Variants in CLASP1 observed in about 807,000 individuals in gnomAD.
CLASP1 encodes cytoplasmic linker associated protein 1.
A neutral mutation model predicts 192.3 loss-of-function variants in CLASP1; 38 were observed. The ratio of observed to expected loss-of-function variants is 0.20; its 90% CI spans 0.15 to 0.26. The LOEUF (loss-of-function observed/expected upper bound fraction) is 0.26, where lower values mean the gene tolerates loss of function less well. CLASP1 is among the 10% of genes least tolerant of loss of function. The probability of loss-of-function intolerance (pLI) is 1.00; values close to 1 mark genes in which losing one functional copy is unlikely to be tolerated. For synonymous variants in CLASP1, 691 were observed against 712.8 expected (o/e 0.97, Z 0.49); for missense variants, 1,433 against 1,932.5 (o/e 0.74, Z 4.85).
chr2:121,509,948 GAAAC>G (rs780227879), intron 7 of CLASP1, among the ~76,000 whole-genome samples: 13 of 152,012 alleles, frequency 8.6e-5, no homozygotes, highest in South Asian at 8.3e-4. Context: ...AAAGAAATAA[GAAAC>G]AAACAAATGT....
intron 19 of CLASP1, 117 bp from the exon 20 acceptor site, chr2:121,430,294 C>A: frequency 2.8e-6 from 2 of 704,120 alleles, no homozygotes; most frequent in Non-Finnish European, 4.8e-6. Flanking sequence ...TGGGGAGCAA[C>A]AGCTTCTGTG....
intron 2 of CLASP1, among the ~76,000 whole-genome samples, chr2:121,557,287 T>C (rs1010767679): frequency 4.6e-5 from 7 of 152,176 alleles, no homozygotes; most frequent in African/African-American, 1.4e-4. Context: ...TTTGATTACA[T>C]AGAATATCTA....
intron 2 of CLASP1, chr2:121,603,224 T>TTATATA (rs199543776): frequency 1.3e-5 from 2 of 150,154 alleles, no homozygotes; most frequent in African/African-American, 4.9e-5. Context: ...AAAAAAAAAA[T>TTATATA]TATATATATA....
intron 19 of CLASP1, among the ~76,000 whole-genome samples, chr2:121,434,583 C>T (rs182032890): frequency 2.4e-4 from 37 of 152,190 alleles, no homozygotes; most frequent in Admixed American, 2.1e-3. Context: ...ACCTTTAAAA[C>T]TCTACTGATC....
At chr2:121,397,678 A>C (rs953639763) in intron 29 of CLASP1, among the ~76,000 whole-genome samples, 1 of 152,172 alleles carries the variant, frequency 6.6e-6, no homozygotes, top group Admixed American at 6.5e-5. Context: ...GTAAGGCAGC[A>C]TTTTCAGTAA....
chr2:121,396,347 T>G (rs542380271), intron 30 of CLASP1, among the ~76,000 whole-genome samples: 9 of 152,244 alleles, frequency 5.9e-5, no homozygotes, highest in African/African-American at 2.2e-4. Flanking sequence ...TGAAAACAAG[T>G]GTTGAAGCTC....
intron 7 of CLASP1, among the ~76,000 whole-genome samples, chr2:121,506,323 A>G (rs2093949516): frequency 6.6e-6 from 1 of 152,156 alleles, no homozygotes; most frequent in Non-Finnish European, 1.5e-5. Flanking sequence ...ACATCCCTGC[A>G]AGCCCAGTTG....
At chr2:121,340,920 T>C in exon 40 of CLASP1, 1 of 1,609,770 alleles carries the variant, frequency 6.2e-7, no homozygotes, top group Non-Finnish European at 8.5e-7. Context: ...GTCTGGGCCC[T>C]CTTTATGTAT....
chr2:121,581,690 G>A (rs2105578738), intron 2 of CLASP1, among the ~76,000 whole-genome samples: 1 of 152,302 alleles, frequency 6.6e-6, no homozygotes. Context: ...TTTGAGACCA[G>A]CCTGGGCAAC....
chr2:121,422,132 C>T (rs185905072), intron 22 of CLASP1, among the ~76,000 whole-genome samples: 30 of 152,288 alleles, frequency 2.0e-4, no homozygotes, highest in Admixed American at 9.2e-4. Flanking sequence ...TCTTGATAGA[C>T]ACTCTACCCT....
chr2:121,580,399 G>A (rs2060996369), intron 2 of CLASP1, among the ~76,000 whole-genome samples: 1 of 152,052 alleles, frequency 6.6e-6, no homozygotes, highest in South Asian at 2.1e-4. Context: ...TATGCCTATT[G>A]CGAGGTATTT....
chr2:121,569,101 T>C (rs1381696841), intron 2 of CLASP1, among the ~76,000 whole-genome samples: 2 of 152,164 alleles, frequency 1.3e-5, no homozygotes, highest in African/African-American at 4.8e-5. Flanking sequence ...TTTTAGGCAA[T>C]AGAGACGCTA....
intron 2 of CLASP1, among the ~76,000 whole-genome samples, chr2:121,541,529 C>T (rs943551859): frequency 2.0e-5 from 3 of 152,168 alleles, no homozygotes; most frequent in African/African-American, 7.2e-5. Context: ...TAATGATATA[C>T]ACAAAACCCC....
chr2:121,539,197 G>A (rs1050189765), intron 2 of CLASP1, among the ~76,000 whole-genome samples: 1 of 152,128 alleles, frequency 6.6e-6, no homozygotes, highest in African/African-American at 2.4e-5. Flanking sequence ...GTGATAATAC[G>A]AATGGCAAGG....
chr2:121,522,700 T>C (rs905849656), intron 6 of CLASP1, among the ~76,000 whole-genome samples: 2 of 152,204 alleles, frequency 1.3e-5, no homozygotes, highest in Non-Finnish European at 1.5e-5. Flanking sequence ...TGATTTTTGG[T>C]AGTGAAACTA....
intron 2 of CLASP1, among the ~76,000 whole-genome samples, chr2:121,542,900 T>TA (rs1229421347): frequency 2.0e-5 from 3 of 152,190 alleles, no homozygotes; most frequent in African/African-American, 7.2e-5. Context: ...AGGTTTAAAA[T>TA]ACAATGAGAA....
At chr2:121,645,499 G>A (rs1307767843) in intron 1 of CLASP1, among the ~76,000 whole-genome samples, 1 of 152,164 alleles carries the variant, frequency 6.6e-6, no homozygotes, top group Non-Finnish European at 1.5e-5. Context: ...TCTACATTAG[G>A]ATACATTTGT....
At chr2:121,529,173 A>G (rs1205551265) in intron 3 of CLASP1, among the ~76,000 whole-genome samples, 1 of 152,182 alleles carries the variant, frequency 6.6e-6, no homozygotes, top group East Asian at 1.9e-4. Flanking sequence ...GCACTTATGA[A>G]TAAATCTTAA....
At chr2:121,616,982 G>A (rs951134589) in intron 1 of CLASP1, among the ~76,000 whole-genome samples, 3 of 152,182 alleles carry the variant, frequency 2.0e-5, no homozygotes, top group African/African-American at 7.2e-5. Flanking sequence ...CCAGAAGTTT[G>A]CAGAAAATGC....
Sources: allele counts gnomAD v4.1 joint callset (sites outside exome capture counted in the v4.1 genomes callset), GRCh38; gene constraint gnomAD v4.1.1; transcripts MANE v1.5; gene names NCBI Gene and HGNC (gene_info 2026-07-23, HGNC 2026-07-21).